Variants in CD300E observed in about 807,000 individuals in gnomAD.
The protein encoded by CD300E is CD300e molecule, also known as CMRF35-like molecule 2.
Under a neutral mutation model 20.9 loss-of-function variants are expected in CD300E, and 14 were observed. The observed-to-expected ratio is 0.67, with a 90% confidence interval of 0.44 to 1.05. The LOEUF is 1.05. Ranked by LOEUF, CD300E falls within the 50% of genes least tolerant of loss-of-function variation. The pLI is 0.00. For missense variants in CD300E, 237 were observed against 253.9 expected, an observed-to-expected ratio of 0.93 and a Z score of 0.45; for synonymous variants, 102 against 103.7, an observed-to-expected ratio of 0.98 and a Z score of 0.10.
chr17:74,618,696 T>TGCCA (rs2143367039), intron 1 of CD300E, among the ~76,000 whole-genome samples: 1 of 152,196 alleles, frequency 6.6e-6, no homozygotes, highest in African/African-American at 2.4e-5. Context: ...ATGTGTGAGC[T>TGCCA]GCCACCACGC....
intron 3 of CD300E, among the ~76,000 whole-genome samples, chr17:74,613,378 A>G (rs1416359867): frequency 2.6e-5 from 4 of 152,232 alleles, no homozygotes; most frequent in Non-Finnish European, 4.4e-5. Flanking sequence ...TTGGGATTGC[A>G]GGCGTGAGCC....
Position 74,617,417 on chromosome 17 carries a change from T to A in CD300E, c.89A>T (p.Asp30Val). 1.9e-6 allele frequency: 3 copies of A among 1,613,356 alleles called. No individual in the cohort carries two copies. Among genetic ancestry groups the A allele is most frequent in the Non-Finnish European group, 2.5e-6 (3 of 1,179,902 alleles). Residue 30 changes from aspartate to valine, a missense_variant, in exon 2 of 4, where the codon GAC (aspartate) becomes GTC (valine). Transcript: ENST00000392619. ...GPGSVTGTAG[D>V]SLTVWCQYES... The stretch of plus-strand genomic sequence containing the variant: ...ATACTGACACCACACTGTCAGAGAG[T>A]CCCCCGCAGTGCCAGTCACAGAGCC...
chr17:74,623,522 C>G, intron 1 of CD300E, 60 bp downstream of exon 1: 1 of 1,558,280 alleles, frequency 6.4e-7, no homozygotes, highest in Non-Finnish European at 8.8e-7. Flanking sequence ...CAGGACAGCT[C>G]TTCTACCTAC....
At position 74,617,181 on chromosome 17, in the gene CD300E, C is replaced by G; in HGVS notation, c.325G>C (p.Val109Leu). The G allele has an allele frequency of 2.5e-6, 4 of 1,614,198 alleles. No individual in the cohort carries two copies. Among genetic ancestry groups the G allele is most frequent in the Non-Finnish European group, 3.4e-6 (4 of 1,180,034 alleles). The change falls in exon 2 of 4, where the codon GTG becomes CTG. Residue 109 changes from valine to leucine, a missense_variant. Val to Leu is a conservative substitution (Grantham distance 32). Transcript: ENST00000392619. ...AGSYWCKIQTVWVLDSWSRDP... is the reference protein window; with the variant it reads ...AGSYWCKIQTLWVLDSWSRDP... Reference sequence around the variant, plus strand: ...CGTGACCATGAATCCAGGACCCACACTGTCTGAATTTTGCACCAGTAAGAT... The same window carrying G: ...CGTGACCATGAATCCAGGACCCACAGTGTCTGAATTTTGCACCAGTAAGAT...
In CD300E at chr17:74,623,722, G is replaced by T; in HGVS notation, c.-101C>A. 7.9e-7 allele frequency: 1 copy of T among 1,264,814 alleles called. No individual in the cohort carries two copies. The highest frequency in any genetic ancestry group is 1.2e-6 in the Non-Finnish European group (1 of 862,062). The allele number at this position is 1,264,814 out of a possible 1,614,324, so 78.3% of individuals were successfully genotyped here. ...GGTCATCCACTTTCTACTTGTCCAA[G>T]TTTCCTTTGTGTTCTCACTCATCTA... On this transcript the variant is annotated 5_prime_UTR_variant, in exon 1 of 4. Coordinates refer to ENST00000392619, the MANE Select transcript of CD300E (RefSeq NM_181449.3).
In CD300E at chr17:74,612,028, C is replaced by T. The variant is rs1038743440; in HGVS notation, c.*625G>A. ...GGGTTGTCCCAGAGAAGAGATGGAG[C>T]TCTGTGAGCCTAAAGGCTGGGGCTG... On this transcript the variant is annotated 3_prime_UTR_variant, in exon 4 of 4. Transcript: ENST00000392619. The T allele has an allele frequency of 1.3e-5, 2 of 152,336 alleles. No homozygotes were observed. The highest frequency in any genetic ancestry group is 4.8e-5 in the African/African-American group (2 of 41,434). The allele number at this position is 152,336 out of a possible 1,614,324, so 9.4% of individuals were successfully genotyped here. A position where few individuals can be genotyped will look rare whatever the true frequency, so the allele number is the denominator to read the frequency against.
At chr17:74,617,574 G>A in intron 1 of CD300E, 109 bp from the exon 2 acceptor site, 1 of 911,680 alleles carries the variant, frequency 1.1e-6, no homozygotes, top group South Asian at 1.6e-5. Context: ...GTGTTTCCTG[G>A]GAGGGGAACC....
rs769662258 is a variant in CD300E at position 74,623,726 on chromosome 17, C to G, written c.-105G>C. ...ATCCACTTTCTACTTGTCCAAGTTT[C>G]CTTTGTGTTCTCACTCATCTATTTC... On this transcript the variant is annotated 5_prime_UTR_variant, in exon 1 of 4. Transcript: ENST00000392619. 4.2e-6 allele frequency: 5 copies of G among 1,192,172 alleles called. No homozygotes were observed. In the South Asian group the frequency reaches 6.1e-5, roughly 14 times the overall value. The allele number at this position is 1,192,172 out of a possible 1,614,324, so 73.8% of individuals were successfully genotyped here.
chr17:74,622,570 G>A (rs534778231), intron 1 of CD300E, among the ~76,000 whole-genome samples: 12 of 152,248 alleles, frequency 7.9e-5, no homozygotes, highest in African/African-American at 2.9e-4. Context: ...CTAATTTTTA[G>A]CCTAAATTTA....
chr17:74,619,644 G>T (rs913816041), intron 1 of CD300E, among the ~76,000 whole-genome samples: 16 of 151,946 alleles, frequency 1.1e-4, no homozygotes, highest in African/African-American at 3.9e-4. Context: ...ACACACACTG[G>T]GGAGAGCACA....
At chr17:74,616,949 G>A (rs914467615) in intron 2 of CD300E, among the ~76,000 whole-genome samples, 169 bp downstream of exon 2, 8 of 152,124 alleles carry the variant, frequency 5.3e-5, no homozygotes, top group African/African-American at 1.9e-4. Context: ...CCCACCCAAG[G>A]CTGAAGGATC....
Position 74,623,539 on chromosome 17 carries a change from G to GC in CD300E, c.40+42dup, listed in dbSNP as rs753416006. ...GGACAGCTCTTCTACCTACTGTCCT[G>GC]CCCCCTGCAAAACCAAGTCCCCAAA... On this transcript the variant is annotated intron_variant, in intron 1 of 3. Transcript: ENST00000392619. 6.2e-6 allele frequency: 10 copies of GC among 1,606,620 alleles called. No homozygotes were observed. The African/African-American group carries it at 1.1e-4, about 17-fold the overall frequency.
At chr17:74,622,760 A>G (rs2031047942) in intron 1 of CD300E, among the ~76,000 whole-genome samples, 1 of 148,140 alleles carries the variant, frequency 6.8e-6, no homozygotes, top group South Asian at 2.1e-4. Context: ...TTCAGACAGG[A>G]TCTCAACTCT....
At chr17:74,620,210 G>A (rs1159451885) in intron 1 of CD300E, among the ~76,000 whole-genome samples, 1 of 152,176 alleles carries the variant, frequency 6.6e-6, no homozygotes, top group Non-Finnish European at 1.5e-5. Flanking sequence ...GGTGCCTCAA[G>A]CCTGTAATCC....
At chr17:74,615,902 G>A (rs756964553) in intron 2 of CD300E, among the ~76,000 whole-genome samples, 12 of 152,058 alleles carry the variant, frequency 7.9e-5, no homozygotes, top group Non-Finnish European at 1.3e-4. Flanking sequence ...TCTGGGCAAC[G>A]CGGGAAGATG....
At position 74,612,491 on chromosome 17, in the gene CD300E, T is replaced by G; in HGVS notation, c.*162A>C. On this transcript the variant is annotated 3_prime_UTR_variant, in exon 4 of 4. Transcript: ENST00000392619. ...GACCCCCAAGCTGCACATTGAGGAC[T>G]CCAGAGGAGTGTCCTCTAAGAGCCA... 1.1e-6 allele frequency: 1 copy of G among 934,544 alleles called. No individual in the cohort carries two copies. The highest frequency in any genetic ancestry group is 1.6e-6 in the Non-Finnish European group (1 of 630,136). 57.9% of individuals were successfully genotyped at this position (934,544 alleles called of 1,614,324 possible).
intron 1 of CD300E, among the ~76,000 whole-genome samples, chr17:74,618,348 T>C (rs1051440707): frequency 6.6e-6 from 1 of 152,108 alleles, no homozygotes; most frequent in South Asian, 2.1e-4. Flanking sequence ...TGCACGTGTG[T>C]GTGGGTGTGA....
chr17:74,614,622 A>G (rs751652819), intron 2 of CD300E, among the ~76,000 whole-genome samples: 9 of 152,044 alleles, frequency 5.9e-5, no homozygotes, highest in Non-Finnish European at 1.3e-4. Flanking sequence ...AGCTGGGATT[A>G]CAGGCATATG....
rs1031386036 is a variant in CD300E, at chr17:74,610,817, A to G, written c.*1836T>C. On this transcript the variant is annotated 3_prime_UTR_variant, in exon 4 of 4. Coordinates refer to ENST00000392619, the MANE Select transcript of CD300E (RefSeq NM_181449.3). ...ATGAGCATCTGTATGTGAACAGTAC[A>G]GTCCATTTGCTGATAGGTCTTCTAT... 8 of 152,248 alleles carry G rather than the reference A, an allele frequency of 5.3e-5. No individual in the cohort carries two copies. Among genetic ancestry groups the G allele is most frequent in the Non-Finnish European group, 1.0e-4 (7 of 68,048 alleles). The allele number at this position is 152,248 out of a possible 1,614,324, so 9.4% of individuals were successfully genotyped here.
Sources: allele counts gnomAD v4.1 joint callset (sites outside exome capture counted in the v4.1 genomes callset), GRCh38; gene constraint gnomAD v4.1.1; transcripts MANE v1.5; gene names NCBI Gene and HGNC (gene_info 2026-07-23, HGNC 2026-07-21).